Variants in RTL4 observed in about 807,000 individuals in gnomAD.
RTL4 encodes the protein retrotransposon Gag like 4, also known as retrotransposon Gag-like protein 4.
In RTL4, 4 loss-of-function variants were observed where a neutral mutation model predicts 5.3. That is an observed-to-expected ratio of 0.75 (90% CI 0.37 to 1.72). RTL4 has a LOEUF of 1.72. RTL4 is among the 40% of genes most tolerant of loss of function. The pLI is 0.04. For missense variants in RTL4, 260 were observed against 227.1 expected, an observed-to-expected ratio of 1.14 and a Z score of -0.93; for synonymous variants, 98 against 87.3, an observed-to-expected ratio of 1.12 and a Z score of -0.68.
the RTL4 span, among the ~76,000 whole-genome samples, chrX:112,226,516 A>G: frequency 8.9e-6 from 1 of 111,780 alleles, no homozygotes; most frequent in African/African-American, 3.3e-5. Flanking sequence ...AAGATTTTAG[A>G]GTCATATATG....
the RTL4 span, among the ~76,000 whole-genome samples, chrX:112,155,751 C>A: frequency 4.2e-3 from 467 of 111,681 alleles, 4 homozygotes; most frequent in African/African-American, 0.015. Context: ...TTCTAGAGTT[C>A]TGGAAAAATT....
the RTL4 span, among the ~76,000 whole-genome samples, chrX:112,349,430 T>C: frequency 3.6e-5 from 4 of 111,208 alleles, no homozygotes; most frequent in Non-Finnish European, 5.7e-5. Flanking sequence ...GGGGATACCA[T>C]TGAATCTATA....
the RTL4 span, among the ~76,000 whole-genome samples, chrX:112,278,335 T>G: frequency 8.9e-6 from 1 of 112,300 alleles, no homozygotes; most frequent in Non-Finnish European, 1.9e-5. Flanking sequence ...TGGCAGTTTC[T>G]AAAACATTGG....
At chrX:112,342,599 C>T in the RTL4 span, among the ~76,000 whole-genome samples, 2 of 111,338 alleles carry the variant, frequency 1.8e-5, no homozygotes, top group South Asian at 7.6e-4. Flanking sequence ...TTGTCATCAT[C>T]AGCTACAGCC....
At chrX:112,173,527 A>G in the RTL4 span, among the ~76,000 whole-genome samples, 1 of 111,639 alleles carries the variant, frequency 9.0e-6, no homozygotes, top group African/African-American at 3.3e-5. Context: ...TTTCTGAAGT[A>G]TGTGGGAATA....
the RTL4 span, among the ~76,000 whole-genome samples, chrX:112,215,067 C>T: frequency 7.2e-5 from 8 of 111,616 alleles, no homozygotes; most frequent in Admixed American, 1.9e-4. Context: ...GGATTACAGG[C>T]GTCAGCCACT....
At chrX:112,184,219 G>C in the RTL4 span, among the ~76,000 whole-genome samples, 1 of 87,905 alleles carries the variant, frequency 1.1e-5, no homozygotes, top group Non-Finnish European at 2.2e-5. Context: ...GGGGGAGGGG[G>C]CAGGGATAGC....
chrX:112,104,198 G>A, the RTL4 span, among the ~76,000 whole-genome samples: 1 of 111,868 alleles, frequency 8.9e-6, no homozygotes, highest in African/African-American at 3.2e-5. Context: ...TTGTCCTCCA[G>A]GTTTTATCCA....
the RTL4 span, among the ~76,000 whole-genome samples, chrX:112,358,590 A>G: frequency 5.8e-3 from 643 of 111,457 alleles, 4 homozygotes; most frequent in African/African-American, 0.02. Flanking sequence ...TGGCATGACA[A>G]CCCAGTCGCT....
At chrX:112,178,600 C>G in the RTL4 span, among the ~76,000 whole-genome samples, 1 of 111,513 alleles carries the variant, frequency 9.0e-6, no homozygotes, top group African/African-American at 3.3e-5. Flanking sequence ...TTTTAAAAAA[C>G]TGTTTGCTTA....
At chrX:112,155,704 T>A in the RTL4 span, among the ~76,000 whole-genome samples, 1 of 111,720 alleles carries the variant, frequency 9.0e-6, no homozygotes, top group Non-Finnish European at 1.9e-5. Flanking sequence ...TTTTCTTGAA[T>A]AAATGCTTCT....
At chrX:112,179,067 T>C in the RTL4 span, among the ~76,000 whole-genome samples, 10 of 112,074 alleles carry the variant, frequency 8.9e-5, no homozygotes, top group African/African-American at 2.9e-4. Context: ...CTACCCAATG[T>C]GGCTGTGGAA....
the RTL4 span, among the ~76,000 whole-genome samples, chrX:112,257,343 G>A: frequency 9.0e-6 from 1 of 111,394 alleles, no homozygotes; most frequent in African/African-American, 3.3e-5. Flanking sequence ...TATGTTGACA[G>A]ATTGCTATTC....
chrX:112,235,638 T>C, the RTL4 span, among the ~76,000 whole-genome samples: 2 of 112,012 alleles, frequency 1.8e-5, no homozygotes, highest in African/African-American at 6.5e-5. Context: ...TAAGCACAAG[T>C]ATAAATATTA....
chrX:112,120,437 T>C, the RTL4 span, among the ~76,000 whole-genome samples: 13 of 110,703 alleles, frequency 1.2e-4, no homozygotes, highest in Middle Eastern at 9.5e-3. Flanking sequence ...CCACCACGCC[T>C]GGCTAAGTTT....
chrX:112,235,640 T>C, the RTL4 span, among the ~76,000 whole-genome samples: 5 of 112,009 alleles, frequency 4.5e-5, no homozygotes, highest in Non-Finnish European at 7.5e-5. Flanking sequence ...AGCACAAGTA[T>C]AAATATTAGT....
At chrX:112,319,851 A>G in the RTL4 span, 1 of 111,859 alleles carries the variant, frequency 8.9e-6, no homozygotes, top group Non-Finnish European at 1.9e-5. Context: ...ATTCTCTTGT[A>G]TAGGAGTCAT....
At chrX:112,406,069 T>A in the RTL4 span, among the ~76,000 whole-genome samples, 1 of 111,221 alleles carries the variant, frequency 9.0e-6, no homozygotes, top group Admixed American at 9.5e-5. Context: ...TCCCAACAGT[T>A]GGAACTTGAG....
At chrX:112,297,864 C>T in the RTL4 span, among the ~76,000 whole-genome samples, 2 of 112,134 alleles carry the variant, frequency 1.8e-5, no homozygotes, top group African/African-American at 6.5e-5. Flanking sequence ...TGGGTCAGTA[C>T]AAGCTATAAC....
Sources: allele counts gnomAD v4.1 joint callset (sites outside exome capture counted in the v4.1 genomes callset), GRCh38; gene constraint gnomAD v4.1.1; transcripts MANE v1.5; gene names NCBI Gene and HGNC (gene_info 2026-07-23, HGNC 2026-07-21).